Variants in RAB18 observed in about 807,000 individuals in gnomAD.
RAB18 encodes the protein RAB18, member RAS oncogene family.
In RAB18, 10 loss-of-function variants were observed where a neutral mutation model predicts 28.5. The observed-to-expected ratio is 0.35, with a 90% confidence interval of 0.22 to 0.60. RAB18 has a LOEUF of 0.60. Ranked by LOEUF, RAB18 falls within the 20% of genes least tolerant of loss-of-function variation. RAB18 has a pLI of 0.78. For missense variants in RAB18, 188 were observed against 244.2 expected, an observed-to-expected ratio of 0.77 and a Z score of 1.53; for synonymous variants, 93 against 86.9, an observed-to-expected ratio of 1.07 and a Z score of -0.39.
In RAB18 at chr10:27,539,251, C is replaced by A. The variant is rs370870364; in HGVS notation, c.*1200C>A. 1.6e-5 allele frequency: 5 copies of A among 308,120 alleles called. No individual in the cohort carries two copies. The East Asian group carries it at 2.6e-4, about 16-fold the overall frequency. 19.1% of individuals were successfully genotyped at this position (308,120 alleles called of 1,614,324 possible). ...TACACTGATCTCTGCTATTTTAACC[C>A]CCCAAATAAGTTATTTGTCCTTTAA... On this transcript the variant is annotated 3_prime_UTR_variant, in exon 7 of 7. Transcript: ENST00000356940.
intron 3 of RAB18, among the ~76,000 whole-genome samples, chr10:27,527,646 A>T (rs1834705409): frequency 6.6e-6 from 1 of 151,950 alleles, no homozygotes; most frequent in African/African-American, 2.4e-5. Flanking sequence ...AGACTGTGAT[A>T]ATTATACATA....
At chr10:27,512,393 A>C (rs1834342154) in intron 2 of RAB18, among the ~76,000 whole-genome samples, 1 of 151,762 alleles carries the variant, frequency 6.6e-6, no homozygotes, top group Admixed American at 6.6e-5. Flanking sequence ...TGCAGCCTCC[A>C]CCTCCCCATT....
chr10:27,506,458 C>T (rs1014063373), intron 1 of RAB18, among the ~76,000 whole-genome samples: 5 of 151,992 alleles, frequency 3.3e-5, no homozygotes, highest in Non-Finnish European at 7.4e-5. Flanking sequence ...AGTAGCTGGA[C>T]TATAGGCACG....
intron 6 of RAB18, 65 bp downstream of exon 6, chr10:27,534,059 C>A: frequency 7.0e-7 from 1 of 1,438,172 alleles, no homozygotes; most frequent in Non-Finnish European, 9.8e-7. Flanking sequence ...GGAGTTTTTG[C>A]CAAGTTTATT....
At chr10:27,536,259 C>T (rs769676162) in intron 6 of RAB18, among the ~76,000 whole-genome samples, 7 of 152,152 alleles carry the variant, frequency 4.6e-5, no homozygotes, top group African/African-American at 7.2e-5. Context: ...TTCCGATAAC[C>T]GGTGGACATG....
intron 1 of RAB18, among the ~76,000 whole-genome samples, chr10:27,508,084 A>G (rs975970350): frequency 6.6e-6 from 1 of 151,636 alleles, no homozygotes; most frequent in Non-Finnish European, 1.5e-5. Context: ...TCAAAATCTA[A>G]TAGAGAAATG....
chr10:27,533,823 A>G lies in RAB18; in HGVS notation c.348A>G (p.Val116=). ...LETYCTRNDI[V]NMLVGNKIDK... is the part of the protein sequence containing the mutation. ...CATACTGTACAAGAAATGACATAGT[A>G]AACATGCTAGTTGGAAATAAAATCG... The change falls in exon 5 of 7, where the codon GTA becomes GTG. Residue 116 remains valine, a synonymous_variant. Transcript: ENST00000356940. 4 of 1,613,688 alleles carry G rather than the reference A, an allele frequency of 2.5e-6. No individual in the cohort carries two copies. Among genetic ancestry groups the G allele is most frequent in the East Asian group, 2.2e-5 (1 of 44,782 alleles).
At chr10:27,519,106 C>T (rs761652484) in intron 2 of RAB18, among the ~76,000 whole-genome samples, 57 of 151,186 alleles carry the variant, frequency 3.8e-4, no homozygotes, top group Non-Finnish European at 6.5e-4. Context: ...ACCAACAAAA[C>T]GAAGTGGGGT....
At chr10:27,507,627 A>G (rs1489962520) in intron 1 of RAB18, among the ~76,000 whole-genome samples, 1 of 151,784 alleles carries the variant, frequency 6.6e-6, no homozygotes, top group Non-Finnish European at 1.5e-5. Context: ...TTTATTATAA[A>G]TTTGGTCACA....
rs1170451047 is a variant in RAB18 at position 27,539,626 on chromosome 10, A to AT, written c.*1578dup. ...TTATATTAAAACTTGAGATTTGTGT[A>AT]TTTATGTAGAGTCTGTATTGACAAG... On this transcript the variant is annotated 3_prime_UTR_variant, in exon 7 of 7. Transcript: ENST00000356940. 2 of 451,824 alleles carry AT rather than the reference A, an allele frequency of 4.4e-6. No homozygotes were observed. Among genetic ancestry groups the AT allele is most frequent in the Non-Finnish European group, 8.8e-6 (2 of 226,226 alleles). 28.0% of individuals were successfully genotyped at this position (451,824 alleles called of 1,614,324 possible).
intron 2 of RAB18, among the ~76,000 whole-genome samples, chr10:27,512,044 C>T (rs1834335168): frequency 6.6e-6 from 1 of 151,950 alleles, no homozygotes; most frequent in Non-Finnish European, 1.5e-5. Context: ...CCTGCCTCAG[C>T]CTCCCAAGTA....
chr10:27,531,790 T>A (rs1315089416), intron 3 of RAB18, among the ~76,000 whole-genome samples: 2 of 135,622 alleles, frequency 1.5e-5, no homozygotes, highest in Non-Finnish European at 3.0e-5. Context: ...AGGTTCATTC[T>A]TTTTTTTTTT....
In RAB18 at chr10:27,504,340, C is replaced by A. The variant is rs752049338; in HGVS notation, c.-30C>A. On this transcript the variant is annotated 5_prime_UTR_variant, in exon 1 of 7. Transcript: ENST00000356940. ...GGGCTGAGAGGCGCACCCGGGCGGCCAGCTGGGCTCGGAGCGGAACGGGGT... is the reference window on the plus strand; with the variant it reads ...GGGCTGAGAGGCGCACCCGGGCGGCAAGCTGGGCTCGGAGCGGAACGGGGT... The A allele has an allele frequency of 1.3e-6, 2 of 1,564,054 alleles. No homozygotes were observed. The highest frequency in any genetic ancestry group is 3.9e-5 in the Admixed American group (2 of 51,924).
In RAB18 at chr10:27,539,031, G is replaced by A. The variant is rs1350909248; in HGVS notation, c.*980G>A. 1.4e-5 allele frequency: 6 copies of A among 427,556 alleles called. No homozygotes were observed. Among genetic ancestry groups the A allele is most frequent in the Middle Eastern group, 7.6e-4 (1 of 1,308 alleles). The allele number at this position is 427,556 out of a possible 1,614,324, so 26.5% of individuals were successfully genotyped here. On this transcript the variant is annotated 3_prime_UTR_variant, in exon 7 of 7. Coordinates refer to ENST00000356940, the MANE Select transcript of RAB18 (RefSeq NM_021252.5). ...AACACTAAGTGATAATTTGAAAAAG[G>A]CATATTGCTTCCAGATTCTGATGTG...
chr10:27,531,570 C>A (rs1018182629), intron 3 of RAB18: 1 of 1,323,816 alleles, frequency 7.6e-7, no homozygotes, highest in Non-Finnish European at 1.1e-6. Flanking sequence ...TCTTAAAGAG[C>A]CAGATAGGAA....
chr10:27,532,294 A>G (rs1202637275), intron 3 of RAB18, among the ~76,000 whole-genome samples: 2 of 151,564 alleles, frequency 1.3e-5, no homozygotes. Flanking sequence ...AAACCTTTAC[A>G]TAGTTTCATT....
intron 3 of RAB18, among the ~76,000 whole-genome samples, chr10:27,531,325 C>T (rs1357677788): frequency 6.6e-6 from 1 of 151,912 alleles, no homozygotes; most frequent in African/African-American, 2.4e-5. Context: ...TAAATGACTG[C>T]AGATCCTCCC....
In RAB18 at chr10:27,538,755, T is replaced by A. The variant is rs1277379234; in HGVS notation, c.*704T>A. The A allele has an allele frequency of 2.2e-6, 1 of 454,008 alleles. No individual in the cohort carries two copies. The highest frequency in any genetic ancestry group is 4.4e-6 in the Non-Finnish European group (1 of 226,794). The allele number at this position is 454,008 out of a possible 1,614,324, so 28.1% of individuals were successfully genotyped here. ...CATGACTGTGCAGCATTTTTAGTTATGTGGTGTTTGGCAGAATGACAATAA... is the reference window on the plus strand; with the variant it reads ...CATGACTGTGCAGCATTTTTAGTTAAGTGGTGTTTGGCAGAATGACAATAA... On this transcript the variant is annotated 3_prime_UTR_variant, in exon 7 of 7. Transcript: ENST00000356940.
At chr10:27,524,455 C>T (rs1834633133) in intron 2 of RAB18, among the ~76,000 whole-genome samples, 1 of 152,118 alleles carries the variant, frequency 6.6e-6, no homozygotes. Flanking sequence ...TGGCCTTTTT[C>T]ATGAAGGTTA....
Sources: allele counts gnomAD v4.1 joint callset (sites outside exome capture counted in the v4.1 genomes callset), GRCh38; gene constraint gnomAD v4.1.1; transcripts MANE v1.5; gene names NCBI Gene and HGNC (gene_info 2026-07-23, HGNC 2026-07-21).